The following ST8SIA6 variants were observed in gnomAD, a reference collection of about 807,000 sequenced individuals.
The protein encoded by ST8SIA6 is ST8 alpha-N-acetyl-neuraminide alpha-2,8-sialyltransferase 6, also known as alpha-2,8-sialyltransferase 8F.
A neutral mutation model predicts 33.6 loss-of-function variants in ST8SIA6; 39 were observed. That is an observed-to-expected ratio of 1.16 (90% CI 0.90 to 1.52). The LOEUF is 1.52. ST8SIA6 is among the 40% of genes most tolerant of loss of function. ST8SIA6 has a pLI of 0.00. For missense variants in ST8SIA6, 441 were observed against 443.8 expected, an observed-to-expected ratio of 0.99 and a Z score of 0.06; for synonymous variants, 172 against 167.2, an observed-to-expected ratio of 1.03 and a Z score of -0.22.
chr10:17,330,561 CA>C (rs1212452458), intron 5 of ST8SIA6, among the ~76,000 whole-genome samples: 1 of 152,072 alleles, frequency 6.6e-6, no homozygotes, highest in East Asian at 1.9e-4. Context: ...AAAATTGGAA[CA>C]ATTTACATGA....
intron 4 of ST8SIA6, among the ~76,000 whole-genome samples, chr10:17,349,668 C>G (rs1564414899): frequency 6.6e-6 from 1 of 152,112 alleles, no homozygotes; most frequent in African/African-American, 2.4e-5. Flanking sequence ...TATTCACTTA[C>G]AGGGGAGACC....
intron 2 of ST8SIA6, among the ~76,000 whole-genome samples, chr10:17,417,801 C>T (rs992006234): frequency 3.3e-5 from 5 of 152,096 alleles, no homozygotes; most frequent in Non-Finnish European, 7.3e-5. Flanking sequence ...CTTCACACAT[C>T]AGAGTTAGAG....
intron 4 of ST8SIA6, among the ~76,000 whole-genome samples, chr10:17,338,822 C>T (rs1848587252): frequency 6.6e-6 from 1 of 152,186 alleles, no homozygotes; most frequent in East Asian, 1.9e-4. Flanking sequence ...CCATGCAACC[C>T]AGGTTCAAAA....
chr10:17,413,348 A>G (rs1239256857), intron 2 of ST8SIA6: 1 of 151,116 alleles, frequency 6.6e-6, no homozygotes, highest in African/African-American at 2.4e-5. Context: ...TCTCTTTATT[A>G]GATACAGTCG....
chr10:17,333,671 G>GGATA lies in ST8SIA6; in HGVS notation c.378-2123_378-2120dup, dbSNP rs1198999693. 1.8e-3 allele frequency among the ~76,000 whole-genome samples: 81 copies of GGATA among 44,576 alleles called. 1 individual carries two copies. The highest frequency in any genetic ancestry group is 8.0e-3 in the African/African-American group (61 of 7,596). 29.2% of individuals were successfully genotyped at this position (44,576 alleles called of 152,430 possible). Reference sequence around the variant, plus strand: ...ATTCCCTACTTAATAAATGGTGCTGGGATATATATATATATATATATATAT... The same window carrying GGATA: ...ATTCCCTACTTAATAAATGGTGCTGGGATAGATATATATATATATATATATATAT... On this transcript the variant is annotated intron_variant, in intron 4 of 7. Coordinates refer to ENST00000377602, the MANE Select transcript of ST8SIA6 (RefSeq NM_001004470.3).
chr10:17,441,538 A>T (rs1852494691), intron 2 of ST8SIA6, among the ~76,000 whole-genome samples: 1 of 151,760 alleles, frequency 6.6e-6, no homozygotes. Context: ...CGAACTCCTG[A>T]CCTCCAGTGA....
At chr10:17,359,709 T>C (rs915431119) in intron 3 of ST8SIA6, 109 bp from the exon 4 acceptor site, 2 of 550,428 alleles carry the variant, frequency 3.6e-6, no homozygotes, top group East Asian at 3.4e-5. Context: ...TTTTTTGATA[T>C]AAGGTGAGGC....
intron 4 of ST8SIA6, among the ~76,000 whole-genome samples, chr10:17,337,199 G>A (rs986449416): frequency 1.3e-5 from 2 of 151,964 alleles, no homozygotes; most frequent in African/African-American, 2.4e-5. Flanking sequence ...TTTGTCTTCC[G>A]CCATGATTAT....
At chr10:17,387,536 G>A (rs1850424819) in intron 3 of ST8SIA6, among the ~76,000 whole-genome samples, 1 of 151,912 alleles carries the variant, frequency 6.6e-6, no homozygotes, top group Admixed American at 6.6e-5. Context: ...CAAAGTGCTA[G>A]GATTACAGGT....
intron 3 of ST8SIA6, chr10:17,386,936 G>C (rs1404223507): frequency 2.0e-5 from 3 of 152,300 alleles, no homozygotes; most frequent in African/African-American, 7.2e-5. Flanking sequence ...GACTGGGCCT[G>C]AGAAGGGAGG....
chr10:17,378,098 AAGAATAGCTGAGAAAAGGT>A (rs773755963), intron 3 of ST8SIA6, among the ~76,000 whole-genome samples: 9 of 152,200 alleles, frequency 5.9e-5, no homozygotes, highest in Non-Finnish European at 1.3e-4. Context: ...CATCCCCTTA[AAGAATAGCTGAGAAAAGGT>A]CTTAGCACCA....
chr10:17,424,421 G>A (rs1480966925), intron 2 of ST8SIA6, among the ~76,000 whole-genome samples: 1 of 151,982 alleles, frequency 6.6e-6, no homozygotes, highest in Non-Finnish European at 1.5e-5. Flanking sequence ...AAGTTCTGTT[G>A]TTGCATCATT....
chr10:17,339,585 A>T (rs1848608816), intron 4 of ST8SIA6, among the ~76,000 whole-genome samples: 1 of 152,210 alleles, frequency 6.6e-6, no homozygotes, highest in Non-Finnish European at 1.5e-5. Context: ...ATAGGCCAAC[A>T]ATCCAGCACT....
In ST8SIA6 at chr10:17,453,616, G is replaced by A. The variant is rs1434626129; in HGVS notation, c.143C>T (p.Pro48Leu). The change falls in exon 2 of 8, where the codon CCC becomes CTC. Residue 48 changes from proline to leucine, a missense_variant. Pro to Leu is a moderately conservative substitution (Grantham distance 98). Coordinates refer to ENST00000377602, the MANE Select transcript of ST8SIA6 (RefSeq NM_001004470.3). ...GCTCCGGAGCGTCCTCAGCGCTGCG[G>A]GGGTGCCGTGGGTGGCCTCCCTGCT... is the stretch of plus-strand genomic sequence containing the variant. ...EESREATHGT[P>L]AALRTLRSPA... 2 of 1,327,856 alleles carry A rather than the reference G, an allele frequency of 1.5e-6. No individual in the cohort carries two copies. The allele number at this position is 1,327,856 out of a possible 1,614,324, so 82.3% of individuals were successfully genotyped here.
chr10:17,418,965 C>A (rs984819323), intron 2 of ST8SIA6, among the ~76,000 whole-genome samples: 6 of 124,534 alleles, frequency 4.8e-5, no homozygotes, highest in African/African-American at 1.9e-4. Flanking sequence ...TGCCGTCCAG[C>A]CTGGGCAATA....
chr10:17,320,747 G>T lies in ST8SIA6; in HGVS notation c.*131C>A. ...CTTGCCATCATTGCAAAATGAGTGG[G>T]GAAGCTTTGGTCAAACCAAATTTTG... is the stretch of plus-strand genomic sequence containing the variant. On this transcript the variant is annotated 3_prime_UTR_variant, in exon 8 of 8. Coordinates refer to ENST00000377602, the MANE Select transcript of ST8SIA6 (RefSeq NM_001004470.3). The T allele has an allele frequency of 1.3e-6, 1 of 790,994 alleles. No individual in the cohort carries two copies. Among genetic ancestry groups the T allele is most frequent in the Non-Finnish European group, 2.0e-6 (1 of 497,334 alleles). 49.0% of individuals were successfully genotyped at this position (790,994 alleles called of 1,614,324 possible).
At chr10:17,439,726 C>T (rs79183671) in intron 2 of ST8SIA6, among the ~76,000 whole-genome samples, 1 of 152,212 alleles carries the variant, frequency 6.6e-6, no homozygotes, top group Non-Finnish European at 1.5e-5. Context: ...TAACAAGGCT[C>T]ACTTTACCCC....
chr10:17,420,308 A>T (rs1851739775), intron 2 of ST8SIA6, among the ~76,000 whole-genome samples: 1 of 152,176 alleles, frequency 6.6e-6, no homozygotes, highest in African/African-American at 2.4e-5. Context: ...GCTACTCGGG[A>T]GGCTGAGGCA....
intron 7 of ST8SIA6, among the ~76,000 whole-genome samples, chr10:17,322,513 C>A (rs1290571015): frequency 6.6e-6 from 1 of 152,092 alleles, no homozygotes; most frequent in Non-Finnish European, 1.5e-5. Context: ...TTAGCACGAA[C>A]ATATTCTATT....
Sources: gnomAD v4.1 joint callset for allele counts (sites outside exome capture counted in the v4.1 genomes callset) on GRCh38, gnomAD v4.1.1 for gene constraint, MANE v1.5 for transcripts, NCBI Gene and HGNC (gene_info 2026-07-23, HGNC 2026-07-21) for gene names.